Variants in ANO6 observed in about 807,000 individuals in gnomAD.
ANO6 encodes the protein anoctamin-6.
ANO6 carries 106 observed loss-of-function variants against 117.5 expected under a neutral mutation model. The observed-to-expected ratio is 0.90, with a 90% CI of 0.77 to 1.06. The LOEUF (loss-of-function observed/expected upper bound fraction) is 1.06. Among genes scored for constraint, ANO6 ranks in the 50% least tolerant of loss-of-function variants. ANO6 has a pLI of 0.00. For missense variants in ANO6, 955 were observed against 1,121.1 expected, an observed-to-expected ratio of 0.85 and a Z score of 2.12; for synonymous variants, 367 against 385.1, an observed-to-expected ratio of 0.95 and a Z score of 0.55.
intron 1 of ANO6, among the ~76,000 whole-genome samples, chr12:45,282,680 T>C (rs977729020): frequency 6.6e-6 from 1 of 152,244 alleles, no homozygotes; most frequent in Non-Finnish European, 1.5e-5. Flanking sequence ...TATGTTATAA[T>C]GCAATAGGTG....
intron 7 of ANO6, among the ~76,000 whole-genome samples, chr12:45,355,630 C>A (rs1357150837): frequency 1.3e-5 from 2 of 152,194 alleles, no homozygotes; most frequent in African/African-American, 2.4e-5. Context: ...CGTTTGCCTG[C>A]CTTCCATGAG....
chr12:45,300,415 G>A (rs1939443353), intron 1 of ANO6, among the ~76,000 whole-genome samples: 1 of 152,248 alleles, frequency 6.6e-6, no homozygotes, highest in East Asian at 1.9e-4. Context: ...CTGGGCTTGT[G>A]CACTCCTCCC....
chr12:45,438,966 T>A (rs1185729362), intron 19 of ANO6, among the ~76,000 whole-genome samples: 2 of 152,246 alleles, frequency 1.3e-5, no homozygotes, highest in Non-Finnish European at 2.9e-5. Flanking sequence ...AAATGCCTCA[T>A]CTGTCCTGAT....
chr12:45,254,326 C>G (rs1937733778), intron 1 of ANO6, among the ~76,000 whole-genome samples: 1 of 152,166 alleles, frequency 6.6e-6, no homozygotes, highest in Admixed American at 6.5e-5. Flanking sequence ...TCCATACCTC[C>G]TGAAGGTGGG....
chr12:45,317,111 A>ATGTGTG (rs10632163), intron 2 of ANO6, among the ~76,000 whole-genome samples: 1,652 of 13,648 alleles, frequency 0.12, 437 homozygotes, highest in Non-Finnish European at 0.49. Flanking sequence ...TTCTTTTTAT[A>ATGTGTG]TGTATATATA....
intron 17 of ANO6, among the ~76,000 whole-genome samples, chr12:45,417,644 A>C (rs1425340751): frequency 6.6e-6 from 1 of 152,228 alleles, no homozygotes; most frequent in Non-Finnish European, 1.5e-5. Flanking sequence ...TTTTCATGCC[A>C]GCCCATTAGA....
intron 11 of ANO6, among the ~76,000 whole-genome samples, chr12:45,390,068 T>C (rs1474604709): frequency 6.6e-6 from 1 of 152,236 alleles, no homozygotes; most frequent in African/African-American, 2.4e-5. Context: ...CTTTTTGTCC[T>C]GCCTGTGCTC....
At chr12:45,275,065 C>T (rs1306804592) in intron 1 of ANO6, among the ~76,000 whole-genome samples, 1 of 151,884 alleles carries the variant, frequency 6.6e-6, no homozygotes, top group African/African-American at 2.4e-5. Context: ...GATCCTGGTG[C>T]TCGATAAGTT....
exon 20 of ANO6, chr12:45,440,209 A>C: frequency 3.6e-6 from 1 of 280,148 alleles, no homozygotes; most frequent in Non-Finnish European, 6.5e-6. Flanking sequence ...TTTAATTTTT[A>C]AAAGGTAATT....
intron 19 of ANO6, among the ~76,000 whole-genome samples, chr12:45,437,639 G>A (rs939933920): frequency 6.6e-6 from 1 of 151,894 alleles, no homozygotes; most frequent in Non-Finnish European, 1.5e-5. Flanking sequence ...GCGCAATCTC[G>A]GCTCATTGCA....
At chr12:45,335,203 G>A (rs1233246815) in intron 3 of ANO6, among the ~76,000 whole-genome samples, 2 of 151,996 alleles carry the variant, frequency 1.3e-5, no homozygotes, top group African/African-American at 4.8e-5. Context: ...GATCTGGCCA[G>A]TGGAGACTGT....
chr12:45,344,453 G>A (rs1397822998), intron 3 of ANO6, among the ~76,000 whole-genome samples: 1 of 152,164 alleles, frequency 6.6e-6, no homozygotes, highest in East Asian at 1.9e-4. Flanking sequence ...TTCCAATCAT[G>A]GCAGAGGAAG....
At chr12:45,398,442 G>A (rs1376152047) in intron 12 of ANO6, among the ~76,000 whole-genome samples, 1 of 152,178 alleles carries the variant, frequency 6.6e-6, no homozygotes, top group Non-Finnish European at 1.5e-5. Flanking sequence ...CACTGCTCCA[G>A]CTTCGTAGAA....
chr12:45,416,288 C>CTT (rs1943210055), intron 16 of ANO6, among the ~76,000 whole-genome samples: 1 of 151,704 alleles, frequency 6.6e-6, no homozygotes, highest in African/African-American at 2.4e-5. Flanking sequence ...TTCTTTTTGT[C>CTT]TTTAACTTGT....
chr12:45,257,062 T>G (rs964241030), intron 1 of ANO6, among the ~76,000 whole-genome samples: 3 of 152,140 alleles, frequency 2.0e-5, no homozygotes, highest in African/African-American at 7.2e-5. Flanking sequence ...AAAAAATCAT[T>G]CTTTCCAAGA....
chr12:45,426,102 A>C (rs1434867418), intron 19 of ANO6, among the ~76,000 whole-genome samples: 4 of 152,238 alleles, frequency 2.6e-5, no homozygotes. Context: ...GGCTCACTAC[A>C]TACATGTGTC....
chr12:45,290,243 A>G (rs1192074248), intron 1 of ANO6, among the ~76,000 whole-genome samples: 5 of 152,078 alleles, frequency 3.3e-5, no homozygotes, highest in Admixed American at 3.3e-4. Flanking sequence ...GTTTTGGATA[A>G]GGTCATGTGA....
chr12:45,431,363 T>C lies in ANO6; in HGVS notation c.*2052T>C. ...TTCTCTGAAGTGTGTGACTATCTCC[T>C]AGTGTTTAAATTTGGCAGTTACTCG... On this transcript the variant is annotated 3_prime_UTR_variant, in exon 20 of 20. Transcript: ENST00000320560. 1 of 985,400 alleles carries C rather than the reference T, an allele frequency of 1.0e-6. No individual in the cohort carries two copies. Among genetic ancestry groups the C allele is most frequent in the Non-Finnish European group, 1.2e-6 (1 of 829,910 alleles). 61.0% of individuals were successfully genotyped at this position (985,400 alleles called of 1,614,324 possible).
At chr12:45,255,828 T>C (rs939942898) in intron 1 of ANO6, among the ~76,000 whole-genome samples, 2 of 147,300 alleles carry the variant, frequency 1.4e-5, no homozygotes, top group Non-Finnish European at 3.0e-5. Flanking sequence ...GTTTTTTTTT[T>C]TTTTTTTTTT....
Sources: allele counts gnomAD v4.1 joint callset (sites outside exome capture counted in the v4.1 genomes callset), GRCh38; gene constraint gnomAD v4.1.1; transcripts MANE v1.5; gene names NCBI Gene and HGNC (gene_info 2026-07-23, HGNC 2026-07-21).